LRRC9: variants seen among roughly 807,000 people sequenced by gnomAD.
The protein encoded by LRRC9 is leucine-rich repeat-containing protein 9.
A neutral mutation model predicts 63.2 loss-of-function variants in LRRC9; 122 were observed. The observed-to-expected ratio is 1.93, with a 90% confidence interval of 1.67 to 2.24. The LOEUF is 2.24. LRRC9 is among the 30% of genes most tolerant of loss of function. LRRC9 has a pLI of 0.00. For missense variants in LRRC9, 1,071 were observed against 627.7 expected (o/e 1.71, Z -7.55); for synonymous variants, 366 against 213.1 (o/e 1.72, Z -6.25).
intron 29 of LRRC9, among the ~76,000 whole-genome samples, chr14:60,046,940 G>C (rs1249204132): frequency 6.6e-6 from 1 of 152,160 alleles, no homozygotes; most frequent in Middle Eastern, 3.2e-3. Flanking sequence ...TCCCCGAGCA[G>C]TAGTTTGTAG....
chr14:59,987,340 T>C (rs1887579863), intron 17 of LRRC9, among the ~76,000 whole-genome samples: 1 of 150,714 alleles, frequency 6.6e-6, no homozygotes, highest in African/African-American at 2.4e-5. Context: ...AGTTACATTA[T>C]TTGTAACAAC....
rs1447406115 is a variant in LRRC9, at chr14:60,031,514, T to C, written c.3922-481T>C. On this transcript the variant is annotated intron_variant, in intron 28 of 31. Transcript: ENST00000445360. The surrounding 1 kb of genome is among the most constrained non-coding windows in gnomAD (Gnocchi z 4.6). ...AATAGAGAAGGCAAATTATTTAACA[T>C]GAGAAATAGTTTTTCAGCTATATAT... 6.6e-6 allele frequency among the ~76,000 whole-genome samples: 1 copy of C among 152,082 alleles called. No homozygotes were observed. Among genetic ancestry groups the C allele is most frequent in the Non-Finnish European group, 1.5e-5 (1 of 67,954 alleles).
intron 8 of LRRC9, among the ~76,000 whole-genome samples, chr14:59,953,973 A>T (rs1883448130): frequency 6.6e-6 from 1 of 152,110 alleles, no homozygotes; most frequent in African/African-American, 2.4e-5. Flanking sequence ...ATGATTGAAG[A>T]TATGTGGTGC....
intron 17 of LRRC9, among the ~76,000 whole-genome samples, chr14:59,995,691 TC>T (rs754728480): frequency 6.6e-6 from 1 of 151,334 alleles, no homozygotes; most frequent in African/African-American, 2.4e-5. Context: ...AAATAAAGAT[TC>T]CCCCCCTGTT....
At position 59,936,888 on chromosome 14, in the gene LRRC9, C is replaced by T. The variant is rs1217429791; in HGVS notation, c.544-1502C>T. 6.6e-6 allele frequency among the ~76,000 whole-genome samples: 1 copy of T among 152,114 alleles called. No individual in the cohort carries two copies. Among genetic ancestry groups the T allele is most frequent in the Admixed American group, 6.6e-5 (1 of 15,260 alleles). Reference sequence around the variant, plus strand: ...CTTTTCCATTCCATTTTTACTGTAGCTTTAGACCTAATGCTTCCTAGTTCT... The same window carrying T: ...CTTTTCCATTCCATTTTTACTGTAGTTTTAGACCTAATGCTTCCTAGTTCT... On this transcript the variant is annotated intron_variant, in intron 6 of 31. Coordinates refer to ENST00000445360, the Ensembl canonical transcript of LRRC9. The surrounding 1 kb of genome is among the most constrained non-coding windows in gnomAD (Gnocchi z 4.2).
chr14:60,028,096 A>T (rs765837026), exon 28 of LRRC9: 9 of 690,194 alleles, frequency 1.3e-5, no homozygotes, highest in Non-Finnish European at 1.8e-5. Flanking sequence ...ATATAATAAA[A>T]TCCAGGTAAC....
At chr14:60,035,233 T>C (rs1332780304) in intron 29 of LRRC9, among the ~76,000 whole-genome samples, 1 of 152,190 alleles carries the variant, frequency 6.6e-6, no homozygotes, top group Non-Finnish European at 1.5e-5. Flanking sequence ...TGAGCTCTTA[T>C]GTGTTCTGAT....
intron 19 of LRRC9, among the ~76,000 whole-genome samples, chr14:60,000,014 T>C (rs1267970216): frequency 1.3e-5 from 2 of 152,072 alleles, no homozygotes; most frequent in African/African-American, 4.8e-5. Context: ...GCAGCACTAT[T>C]CACAATAGCG....
rs774958455 is a variant in LRRC9, at chr14:59,922,874, A to T, written c.-34+2991A>T. On this transcript the variant is annotated intron_variant, in intron 1 of 31. Transcript: ENST00000445360. This position sits in a 1 kb window ranked among gnomAD's most constrained non-coding sequence, Gnocchi z 5.3. ...TGTTGCTGAAGATCTAACTGAAGTT[A>T]GAGGCAATGCATTTGTAGTGACTTC... is the stretch of plus-strand genomic sequence containing the variant. 1.5e-4 allele frequency among the ~76,000 whole-genome samples: 23 copies of T among 152,262 alleles called. No homozygotes were observed. The highest frequency in any genetic ancestry group is 2.4e-4 in the Non-Finnish European group (16 of 68,048).
chr14:59,934,006 G>T (rs1255870612), intron 6 of LRRC9, among the ~76,000 whole-genome samples: 1 of 152,060 alleles, frequency 6.6e-6, no homozygotes, highest in Non-Finnish European at 1.5e-5. Context: ...GATCAGAAAT[G>T]TTCTTTAGGG....
chr14:60,010,558 G>A (rs1215499493), intron 23 of LRRC9, among the ~76,000 whole-genome samples: 2 of 152,190 alleles, frequency 1.3e-5, no homozygotes, highest in Non-Finnish European at 2.9e-5. Flanking sequence ...TTCTCTTGGC[G>A]ATTTGCATTT....
chr14:59,969,967 C>A lies in LRRC9; in HGVS notation c.1506+2754C>A, dbSNP rs547530359. 3.7e-4 allele frequency among the ~76,000 whole-genome samples: 56 copies of A among 152,132 alleles called. 1 individual carries two copies. In the East Asian group the frequency reaches 5.6e-3, roughly 15 times the overall value. On this transcript the variant is annotated intron_variant, in intron 12 of 31. Transcript: ENST00000445360. Reference sequence around the variant, plus strand: ...CTTATATAGTGTGTCTAAAACCAGCCTTTTAAAACTGTTAAGTTCAGGGTT... The same window carrying A: ...CTTATATAGTGTGTCTAAAACCAGCATTTTAAAACTGTTAAGTTCAGGGTT...
chr14:60,029,552 T>C (rs1306650240), intron 28 of LRRC9, among the ~76,000 whole-genome samples: 1 of 152,096 alleles, frequency 6.6e-6, no homozygotes. Flanking sequence ...AGGACCTTCT[T>C]CCTAGCAAGT....
rs1894624409 is a variant in LRRC9, at chr14:60,060,972, G to C, written c.4277-2351G>C. On this transcript the variant is annotated intron_variant, in intron 31 of 31. Coordinates refer to ENST00000445360, the Ensembl canonical transcript of LRRC9. This position sits in a 1 kb window ranked among gnomAD's most constrained non-coding sequence, Gnocchi z 4.0. ...GGAAACAGCAAGAGAACTAGAAGTG[G>C]AGCCTGAAGATGTGACTGAATTGCT... Among the ~76,000 whole-genome samples the C allele has an allele frequency of 6.6e-6, 1 of 152,174 alleles. No homozygotes were observed. Among genetic ancestry groups the C allele is most frequent in the South Asian group, 2.1e-4 (1 of 4,822 alleles).
rs968254330 is a variant in LRRC9, at chr14:60,017,770, C to T, written c.3318-601C>T. Among the ~76,000 whole-genome samples the T allele has an allele frequency of 3.3e-5, 5 of 152,064 alleles. No individual in the cohort carries two copies. Among genetic ancestry groups the T allele is most frequent in the African/African-American group, 1.2e-4 (5 of 41,420 alleles). On this transcript the variant is annotated intron_variant, in intron 24 of 31. Transcript: ENST00000445360. This position sits in a 1 kb window ranked among gnomAD's most constrained non-coding sequence, Gnocchi z 4.0. ...TTAGGGAAAGGGATGTAGTTTTATG[C>T]TCTTCTCTGTCATGGCTCAAATGAA...
Position 59,974,562 on chromosome 14 carries a change from T to G in LRRC9, c.1507-14T>G. Reference sequence around the variant, plus strand: ...ATTTTATAAAAATACTCAGACTTTGTTTTTTCTTTGCAGCTGCCTCTCAAA... The same window carrying G: ...ATTTTATAAAAATACTCAGACTTTGGTTTTTCTTTGCAGCTGCCTCTCAAA... On this transcript the variant is annotated splice_polypyrimidine_tract_variant and intron_variant, in intron 12 of 31. Transcript: ENST00000445360. 1.6e-6 allele frequency: 1 copy of G among 635,846 alleles called. No individual in the cohort carries two copies. The allele number at this position is 635,846 out of a possible 1,614,324, so 39.4% of individuals were successfully genotyped here.
chr14:59,937,958 A>G (rs1422467857), intron 6 of LRRC9, among the ~76,000 whole-genome samples: 2 of 152,136 alleles, frequency 1.3e-5, no homozygotes, highest in African/African-American at 4.8e-5. Context: ...GCCTTTAATG[A>G]GTAGAGCAGA....
chr14:60,041,225 C>G (rs1047728914), intron 29 of LRRC9, among the ~76,000 whole-genome samples: 1 of 152,110 alleles, frequency 6.6e-6, no homozygotes, highest in African/African-American at 2.4e-5. Context: ...GTGAATCTGA[C>G]AATTATGTGT....
intron 16 of LRRC9, among the ~76,000 whole-genome samples, chr14:59,984,179 T>G (rs1468021230): frequency 6.6e-6 from 1 of 152,250 alleles, no homozygotes; most frequent in Non-Finnish European, 1.5e-5. Context: ...TTCTGTAGAA[T>G]ATATCATGGA....
Sources: gnomAD v4.1 joint callset for allele counts (sites outside exome capture counted in the v4.1 genomes callset) on GRCh38, gnomAD v4.1.1 for gene constraint, Gnocchi (gnomAD v3.1) non-coding constraint, MANE v1.5 for transcripts, NCBI Gene and HGNC (gene_info 2026-07-23, HGNC 2026-07-21) for gene names.